ZNF182: variants seen among roughly 807,000 people sequenced by gnomAD.
ZNF182 encodes zinc finger protein 21 (KOX 14).
Under a neutral mutation model 28.1 loss-of-function variants are expected in ZNF182, and 10 were observed. The ratio of observed to expected loss-of-function variants is 0.36; its 90% confidence interval spans 0.22 to 0.60. The LOEUF is 0.60. Ranked by LOEUF, ZNF182 falls within the 20% of genes least tolerant of loss-of-function variation. The pLI is 0.75. For synonymous variants in ZNF182, 156 were observed against 158.7 expected, an observed-to-expected ratio of 0.98 and a Z score of 0.13; for missense variants, 352 against 453.2, an observed-to-expected ratio of 0.78 and a Z score of 2.03.
chrX:47,976,146 T>C lies in ZNF182; in HGVS notation c.*21A>G, dbSNP rs368386991. The C allele has an allele frequency of 2.7e-6, 3 of 1,120,850 alleles. No homozygotes were observed. The highest frequency in any genetic ancestry group is 3.7e-5 in the African/African-American group (2 of 54,455). 92.4% of individuals were successfully genotyped at this position (1,120,850 alleles called of 1,213,427 possible). A position where few individuals can be genotyped will look rare whatever the true frequency, so the allele number is the denominator to read the frequency against. On this transcript the variant is annotated 3_prime_UTR_variant, in exon 6 of 6. Transcript: ENST00000376943. ...CACAACTTTCTTTCAGTGTCCATAA[T>C]AGATACTGCTGATTAGCTCTCTAAT...
chrX:47,994,656 T>C (rs1195076809), intron 3 of ZNF182, among the ~76,000 whole-genome samples: 1 of 111,639 alleles, frequency 9.0e-6, no homozygotes, highest in Non-Finnish European at 1.9e-5. Flanking sequence ...TTTGTGTGTG[T>C]AAGATGGAGT....
chrX:47,993,169 G>A (rs1278229685), intron 3 of ZNF182, among the ~76,000 whole-genome samples: 6 of 112,477 alleles, frequency 5.3e-5, no homozygotes, highest in African/African-American at 1.9e-4. Flanking sequence ...TTATGGAACT[G>A]CCATAGAAAC....
At chrX:47,996,879 C>A (rs781983242) in intron 3 of ZNF182, among the ~76,000 whole-genome samples, 2 of 111,721 alleles carry the variant, frequency 1.8e-5, no homozygotes, top group African/African-American at 6.5e-5. Flanking sequence ...AAAGAGTGCC[C>A]GAGGCTAAAA....
At chrX:47,996,612 C>G (rs1556901133) in intron 3 of ZNF182, among the ~76,000 whole-genome samples, 1 of 111,589 alleles carries the variant, frequency 9.0e-6, no homozygotes, top group Non-Finnish European at 1.9e-5. Context: ...AAAATATTAC[C>G]CAACTGTTAT....
chrX:47,989,126 A>G (rs1353297674), intron 3 of ZNF182, among the ~76,000 whole-genome samples: 1 of 112,143 alleles, frequency 8.9e-6, no homozygotes, highest in Non-Finnish European at 1.9e-5. Context: ...AGTTAATATC[A>G]TAAAAAATGA....
At chrX:47,998,818 C>A (rs2058968143) in intron 3 of ZNF182, among the ~76,000 whole-genome samples, 2 of 103,448 alleles carry the variant, frequency 1.9e-5, no homozygotes, top group African/African-American at 7.2e-5. Flanking sequence ...GAGATCGCAC[C>A]ACTATACTCC....
At position 47,976,689 on chromosome X, in the gene ZNF182, G is replaced by A; in HGVS notation, c.1341C>T (p.Ala447=). The A allele has an allele frequency of 8.3e-7, 1 of 1,208,971 alleles. No homozygotes were observed. The highest frequency in any genetic ancestry group is 3.0e-5 in the East Asian group (1 of 33,819). The change falls in exon 6 of 6, where the codon GCC becomes GCT. Residue 447 remains alanine (A), a synonymous_variant. Transcript: ENST00000376943. ...KPFECNECEK[A]FSQKSYLMLH... ...GCATGAGGTAGGACTTCTGAGAGAA[G>A]GCTTTCTCACATTCATTACATTCAA...
At position 47,983,049 on chromosome X, in the gene ZNF182, G is replaced by C. The variant is rs1458430242; in HGVS notation, c.143-11C>G. 8.3e-7 allele frequency: 1 copy of C among 1,205,462 alleles called. No individual in the cohort carries two copies. Among genetic ancestry groups the C allele is most frequent in the African/African-American group, 1.8e-5 (1 of 56,982 alleles). Reference sequence around the variant, plus strand: ...TGGTAACCTGCTGCCCTGTTGATGAGAAATGACAGTGATACCTCCTTGGCT... The same window carrying C: ...TGGTAACCTGCTGCCCTGTTGATGACAAATGACAGTGATACCTCCTTGGCT... On this transcript the variant is annotated splice_polypyrimidine_tract_variant and intron_variant, in intron 4 of 5. Transcript: ENST00000376943.
Position 47,983,036 on chromosome X carries a change from G to T in ZNF182, c.145C>A (p.Gln49Lys), listed in dbSNP as rs782227040. The T allele has an allele frequency of 1.7e-6, 2 of 1,210,491 alleles. No individual in the cohort carries two copies. Among genetic ancestry groups the T allele is most frequent in the South Asian group, 3.5e-5 (2 of 56,923 alleles). Residue 49 changes from glutamine to lysine, a missense_variant and splice_region_variant, in exon 5 of 6, where the codon CAG becomes AAG. Gln to Lys is a moderately conservative substitution (Grantham distance 53). Transcript: ENST00000376943. ...ETYSNLVFVGQQVTKPNLILK... is the reference protein window; with the variant it reads ...ETYSNLVFVGKQVTKPNLILK... ...ATGAGGTTTGGTTTGGTAACCTGCTGCCCTGTTGATGAGAAATGACAGTGA... is the reference window on the plus strand; with the variant it reads ...ATGAGGTTTGGTTTGGTAACCTGCTTCCCTGTTGATGAGAAATGACAGTGA...
chrX:48,002,486 G>A (rs781960787), intron 3 of ZNF182, 109 bp downstream of exon 3: 6 of 1,090,319 alleles, frequency 5.5e-6, no homozygotes, highest in Non-Finnish European at 7.5e-6. Context: ...TATTTTGCCT[G>A]ATCCAATCCT....
intron 3 of ZNF182, among the ~76,000 whole-genome samples, chrX:47,987,581 T>C (rs1203838265): frequency 1.8e-5 from 2 of 112,614 alleles, no homozygotes; most frequent in African/African-American, 6.4e-5. Context: ...CTCTCACTGT[T>C]AAAGAAGGGA....
rs782095489 is a variant in ZNF182 at position 47,976,506 on chromosome X, T to C, written c.1524A>G (p.Ser508=). The C allele has an allele frequency of 8.3e-7, 1 of 1,208,018 alleles. No individual in the cohort carries two copies. The highest frequency in any genetic ancestry group is 1.1e-6 in the Non-Finnish European group (1 of 894,496). The change falls in exon 6 of 6, where the codon TCA becomes TCG. Residue 508 remains serine (S), a synonymous_variant. Coordinates refer to ENST00000376943, the MANE Select transcript of ZNF182 (RefSeq NM_001007088.2). ...GAATTCTCTGATGTATAATGAGCTT[T>C]GACTTTTCTCTGAAGGCTTTGCCAC... is the stretch of plus-strand genomic sequence containing the variant. ...NECGKAFREK[S]KLIIHQRIHT... is the part of the protein sequence containing the mutation.
intron 3 of ZNF182, among the ~76,000 whole-genome samples, chrX:47,989,426 CAAA>C (rs34874899): frequency 1.1e-5 from 1 of 88,716 alleles, no homozygotes; most frequent in Non-Finnish European, 2.2e-5. Context: ...GACTTCGTCT[CAAA>C]AAAAAAAAAA....
At chrX:47,992,640 T>C (rs1416261736) in intron 3 of ZNF182, among the ~76,000 whole-genome samples, 3 of 111,502 alleles carry the variant, frequency 2.7e-5, no homozygotes, top group African/African-American at 9.8e-5. Flanking sequence ...ACATGTGTCA[T>C]GGTCAGCTCT....
Position 47,976,068 on chromosome X carries a change from C to T in ZNF182, c.*99G>A. On this transcript the variant is annotated 3_prime_UTR_variant, in exon 6 of 6. Transcript: ENST00000376943. ...GAAAAGAAGAAAGGCTGAATTTACT[C>T]CCATATTTAAACCACAAGTCAAAAT... 1 of 868,100 alleles carries T rather than the reference C, an allele frequency of 1.2e-6. No individual in the cohort carries two copies. Among genetic ancestry groups the T allele is most frequent in the Non-Finnish European group, 1.6e-6 (1 of 642,154 alleles). The allele number at this position is 868,100 out of a possible 1,213,427, so 71.5% of individuals were successfully genotyped here. A position where few individuals can be genotyped will look rare whatever the true frequency, so the allele number is the denominator to read the frequency against.
At chrX:47,998,708 A>C (rs1197566800) in intron 3 of ZNF182, among the ~76,000 whole-genome samples, 1 of 110,903 alleles carries the variant, frequency 9.0e-6, no homozygotes, top group East Asian at 2.9e-4. Flanking sequence ...AATACAAAAA[A>C]ATTAGCTGGG....
chrX:47,988,940 A>C (rs1257809078), intron 3 of ZNF182, among the ~76,000 whole-genome samples: 1 of 112,275 alleles, frequency 8.9e-6, no homozygotes, highest in Non-Finnish European at 1.9e-5. Flanking sequence ...CATCACAATA[A>C]CTGATTCAGG....
chrX:47,978,780 C>A, intron 5 of ZNF182, among the ~76,000 whole-genome samples: 1 of 112,602 alleles, frequency 8.9e-6, no homozygotes, highest in East Asian at 2.8e-4. Context: ...TTACTCTGAT[C>A]TTCCTATATA....
At chrX:48,001,236 T>C (rs1425555090) in intron 3 of ZNF182, among the ~76,000 whole-genome samples, 2 of 112,655 alleles carry the variant, frequency 1.8e-5, no homozygotes, top group Non-Finnish European at 3.7e-5. Flanking sequence ...CTGTGCATGA[T>C]TGTTTAAAGT....
Sources: gnomAD v4.1 joint callset for allele counts (sites outside exome capture counted in the v4.1 genomes callset) on GRCh38, gnomAD v4.1.1 for gene constraint, MANE v1.5 for transcripts, NCBI Gene and HGNC (gene_info 2026-07-23, HGNC 2026-07-21) for gene names.